Variants in MACC1 observed in about 807,000 individuals in gnomAD.
MACC1 encodes metastasis-associated in colon cancer protein 1.
Under a neutral mutation model 70.7 loss-of-function variants are expected in MACC1, and 79 were observed. That is an observed-to-expected ratio of 1.12 (90% CI 0.93 to 1.35). The LOEUF is 1.35. MACC1 is among the 40% of genes most tolerant of loss of function. The pLI is 0.00. For synonymous variants in MACC1, 361 were observed against 347.2 expected (o/e 1.04, Z -0.44); for missense variants, 1,106 against 978.1 (o/e 1.13, Z -1.74).
chr7:20,159,795 G>A lies in MACC1; in HGVS notation c.566C>T (p.Ala189Val), dbSNP rs1031779703. 1 of 1,614,090 alleles carries A rather than the reference G, an allele frequency of 6.2e-7. No homozygotes were observed. Among genetic ancestry groups the A allele is most frequent in the African/African-American group, 1.3e-5 (1 of 75,048 alleles). The change falls in exon 5 of 7, where the codon GCC becomes GTC. Residue 189 changes from alanine to valine, a missense_variant. Transcript: ENST00000400331. ...TGTATTCAAATCAAGGCAGGAGCGG[G>A]CCAGCTGGCGTTGACTTAACCAAGC... ...KMAWLSQRQL[A>V]RSCLDLNTIS...
chr7:20,215,431 A>G (rs535755922), intron 1 of MACC1, among the ~76,000 whole-genome samples: 23 of 152,314 alleles, frequency 1.5e-4, no homozygotes, highest in Admixed American at 2.6e-4. Flanking sequence ...GGCACTTGAC[A>G]ACAACAAAAA....
At chr7:20,154,144 A>G in intron 6 of MACC1, 49 bp downstream of exon 6, 1 of 1,592,912 alleles carries the variant, frequency 6.3e-7, no homozygotes. Context: ...CATTAGTGTT[A>G]CTTGGTCTGC....
At chr7:20,201,258 G>A (rs1471764923) in intron 1 of MACC1, among the ~76,000 whole-genome samples, 2 of 152,174 alleles carry the variant, frequency 1.3e-5, no homozygotes, top group Non-Finnish European at 2.9e-5. Flanking sequence ...GACTAATTAT[G>A]CAGAATTTAT....
chr7:20,169,430 A>G (rs1255014501), intron 2 of MACC1, among the ~76,000 whole-genome samples: 4 of 152,210 alleles, frequency 2.6e-5, no homozygotes, highest in African/African-American at 9.6e-5. Flanking sequence ...CCCCCAATTC[A>G]GAAGGGGTGG....
Position 20,158,244 on chromosome 7 carries a change from G to A in MACC1, c.2117C>T (p.Thr706Ile). Residue 706 changes from threonine to isoleucine, a missense_variant, in exon 5 of 7, where the codon ACA becomes ATA. Physicochemically the swap from Thr to Ile is moderately conservative, Grantham distance 89. Coordinates refer to ENST00000400331, the MANE Select transcript of MACC1 (RefSeq NM_182762.4). ...VIKKLKEDCH[T>I]ERNTRKFLYE... Reference sequence around the variant, plus strand: ...CAGAAACTTCCTTGTATTTCTCTCTGTGTGGCAATCTTCCTTTAACTTCTT... The same window carrying A: ...CAGAAACTTCCTTGTATTTCTCTCTATGTGGCAATCTTCCTTTAACTTCTT... 1.9e-6 allele frequency: 3 copies of A among 1,601,384 alleles called. No homozygotes were observed. The highest frequency in any genetic ancestry group is 2.3e-5 in the South Asian group (2 of 88,204).
intron 5 of MACC1, among the ~76,000 whole-genome samples, chr7:20,155,206 T>C (rs1782038088): frequency 6.6e-6 from 1 of 152,062 alleles, no homozygotes; most frequent in African/African-American, 2.4e-5. Context: ...AATGAGCAAA[T>C]AGAGTAGCTC....
chr7:20,176,237 A>T (rs1019367532), intron 1 of MACC1, among the ~76,000 whole-genome samples: 1 of 152,140 alleles, frequency 6.6e-6, no homozygotes, highest in African/African-American at 2.4e-5. Context: ...TACATAAAAC[A>T]TCATGTTGCG....
chr7:20,165,804 T>C (rs1454396184), intron 2 of MACC1, among the ~76,000 whole-genome samples: 1 of 152,192 alleles, frequency 6.6e-6, no homozygotes, highest in Non-Finnish European at 1.5e-5. Context: ...TTTTTCAATA[T>C]GCCTTTTAAA....
intron 5 of MACC1, among the ~76,000 whole-genome samples, chr7:20,156,861 TG>T (rs1215417166): frequency 6.6e-6 from 1 of 152,242 alleles, no homozygotes; most frequent in Non-Finnish European, 1.5e-5. Context: ...ATTAAAACTT[TG>T]CTCCTTTGCA....
chr7:20,144,849 A>G (rs892824906), intron 6 of MACC1, among the ~76,000 whole-genome samples: 4 of 152,228 alleles, frequency 2.6e-5, no homozygotes, highest in African/African-American at 9.6e-5. Context: ...TTAATTCTCA[A>G]CTAAGTCAAT....
intron 1 of MACC1, among the ~76,000 whole-genome samples, chr7:20,203,425 G>C (rs1354152618): frequency 6.6e-6 from 1 of 152,178 alleles, no homozygotes; most frequent in African/African-American, 2.4e-5. Context: ...GATGATGATG[G>C]TGTGTGCGTG....
intron 1 of MACC1, among the ~76,000 whole-genome samples, chr7:20,212,604 A>T (rs1400112208): frequency 6.6e-6 from 1 of 152,110 alleles, no homozygotes; most frequent in Non-Finnish European, 1.5e-5. Context: ...TGTCTCCTCC[A>T]TTTATCTGGC....
intron 1 of MACC1, among the ~76,000 whole-genome samples, chr7:20,188,783 T>C (rs1221945802): frequency 1.3e-5 from 2 of 152,214 alleles, no homozygotes; most frequent in Admixed American, 1.3e-4. Flanking sequence ...GCTTGACCTG[T>C]CATCATGCGA....
chr7:20,194,045 T>C (rs747831071), intron 1 of MACC1, among the ~76,000 whole-genome samples: 2 of 152,148 alleles, frequency 1.3e-5, no homozygotes, highest in Non-Finnish European at 2.9e-5. Context: ...CGGTGACTCC[T>C]CACTTGCTGG....
At chr7:20,146,346 G>C (rs1259088207) in intron 6 of MACC1, among the ~76,000 whole-genome samples, 16 of 151,864 alleles carry the variant, frequency 1.1e-4, no homozygotes, top group Non-Finnish European at 1.9e-4. Context: ...TTTCATTCTG[G>C]TTTTCTTAAA....
intron 5 of MACC1, among the ~76,000 whole-genome samples, chr7:20,156,475 C>G (rs1782056504): frequency 6.6e-6 from 1 of 152,122 alleles, no homozygotes; most frequent in African/African-American, 2.4e-5. Context: ...ATTTTTAGGC[C>G]ACTAAAAAAA....
chr7:20,188,579 C>T (rs10277079), intron 1 of MACC1, among the ~76,000 whole-genome samples: 22,608 of 152,134 alleles, frequency 0.15, 1,921 homozygotes, highest in African/African-American at 0.21. Flanking sequence ...AGTTCCCACC[C>T]CTTCCCTTTA....
At chr7:20,175,894 T>A (rs17142549) in intron 1 of MACC1, among the ~76,000 whole-genome samples, 3,059 of 152,160 alleles carry the variant, frequency 0.02, 99 homozygotes, top group African/African-American at 0.067. Context: ...GCTGGAACAA[T>A]AATAAAAATA....
intron 1 of MACC1, among the ~76,000 whole-genome samples, chr7:20,185,942 A>G (rs1782581176): frequency 1.3e-5 from 2 of 152,194 alleles, no homozygotes; most frequent in South Asian, 4.1e-4. Context: ...GAAAAATCCC[A>G]AGATTCTTGC....
Sources: allele counts gnomAD v4.1 joint callset (sites outside exome capture counted in the v4.1 genomes callset), GRCh38; gene constraint gnomAD v4.1.1; transcripts MANE v1.5; gene names NCBI Gene and HGNC (gene_info 2026-07-23, HGNC 2026-07-21).